IYD: variants seen among roughly 807,000 people sequenced by gnomAD.
The protein encoded by IYD is iodotyrosine deiodinase.
A neutral mutation model predicts 28.4 loss-of-function variants in IYD; 25 were observed. That is an observed-to-expected ratio of 0.88 (90% confidence interval 0.64 to 1.23). The LOEUF is 1.23. Among genes scored for constraint, IYD ranks in the 50% most tolerant of loss-of-function variants. IYD has a pLI of 0.00. For missense variants in IYD, 352 were observed against 357.9 expected, an observed-to-expected ratio of 0.98 and a Z score of 0.13; for synonymous variants, 140 against 130.8, an observed-to-expected ratio of 1.07 and a Z score of -0.48.
chr6:150,395,715 GGTCTGATAAGCGCGCCATGCAT>G lies in IYD; in HGVS notation c.687+1465_687+1486del. 4 of 733,692 alleles carry G rather than the reference GGTCTGATAAGCGCGCCATGCAT, an allele frequency of 5.5e-6. No homozygotes were observed. In the South Asian group the frequency reaches 5.9e-5, roughly 11 times the overall value. 45.4% of individuals were successfully genotyped at this position (733,692 alleles called of 1,614,324 possible). On this transcript the variant is annotated intron_variant, in intron 4 of 4. Transcript: ENST00000344419. ...GCCCGCATCTCCAGTATGGTGACTG[GGTCTGATAAGCGCGCCATGCAT>G]GTCTTGTAGAGGCAGCTTCCAGAAC...
At chr6:150,376,626 C>CTTCTTTTCTT (rs372946330) in intron 1 of IYD, among the ~76,000 whole-genome samples, 3 of 152,058 alleles carry the variant, frequency 2.0e-5, no homozygotes, top group African/African-American at 7.2e-5. Context: ...TCTTCATCTT[C>CTTCTTTTCTT]TTCTTTTCTT....
At chr6:150,396,480 G>A (rs1018227608) in intron 4 of IYD, 12 of 699,654 alleles carry the variant, frequency 1.7e-5, no homozygotes, top group African/African-American at 1.1e-4. Context: ...GGTTTCTACT[G>A]CTAGAGACAT....
At chr6:150,385,071 T>C (rs1230655995) in intron 1 of IYD, 1 of 152,152 alleles carries the variant, frequency 6.6e-6, no homozygotes, top group African/African-American at 2.4e-5. Context: ...AGGAGGGTAA[T>C]GGGGAAAACA....
chr6:150,392,588 T>C (rs1245742636), intron 3 of IYD, 84 bp downstream of exon 3: 4 of 1,425,022 alleles, frequency 2.8e-6, no homozygotes, highest in Non-Finnish European at 3.9e-6. Context: ...GGCTTTGTTG[T>C]AAGCGTGAAA....
At chr6:150,371,196 A>G (rs949095649) in intron 1 of IYD, among the ~76,000 whole-genome samples, 2 of 152,218 alleles carry the variant, frequency 1.3e-5, no homozygotes, top group Admixed American at 1.3e-4. Context: ...ATAGCTCTTA[A>G]TGTATGCAAT....
intron 1 of IYD, among the ~76,000 whole-genome samples, chr6:150,380,822 T>C (rs1408483423): frequency 6.6e-6 from 1 of 152,214 alleles, no homozygotes; most frequent in Non-Finnish European, 1.5e-5. Flanking sequence ...GCAGCCCTTC[T>C]TCCTTCTAAA....
intron 4 of IYD, chr6:150,395,626 T>C: frequency 7.6e-7 from 1 of 1,307,484 alleles, no homozygotes; most frequent in Non-Finnish European, 1.1e-6. Flanking sequence ...CCCCTAGCTT[T>C]CATAAGGCAT....
intron 1 of IYD, among the ~76,000 whole-genome samples, chr6:150,370,283 G>T (rs1160189412): frequency 6.8e-6 from 1 of 146,428 alleles, no homozygotes; most frequent in Non-Finnish European, 1.5e-5. Flanking sequence ...GTTCATTAAT[G>T]TGCATGTGTG....
intron 1 of IYD, among the ~76,000 whole-genome samples, chr6:150,380,987 G>A (rs1385609817): frequency 6.6e-6 from 1 of 152,172 alleles, no homozygotes; most frequent in Non-Finnish European, 1.5e-5. Flanking sequence ...GGCAGCACAG[G>A]AAAATCGTCA....
intron 1 of IYD, among the ~76,000 whole-genome samples, chr6:150,376,596 G>T (rs1777453054): frequency 6.6e-6 from 1 of 152,112 alleles, no homozygotes; most frequent in Non-Finnish European, 1.5e-5. Context: ...CCAGGCAAGG[G>T]ATCTTAAGAC....
intron 1 of IYD, among the ~76,000 whole-genome samples, chr6:150,371,940 C>G (rs748315550): frequency 5.3e-5 from 8 of 152,318 alleles, no homozygotes; most frequent in African/African-American, 7.2e-5. Flanking sequence ...AGTCCCTGCT[C>G]TCAGTCACAG....
intron 1 of IYD, among the ~76,000 whole-genome samples, chr6:150,377,099 G>A (rs765112416): frequency 6.6e-6 from 1 of 152,132 alleles, no homozygotes; most frequent in Non-Finnish European, 1.5e-5. Context: ...GTATTTTAGG[G>A]TATTGTTTGC....
chr6:150,386,314 T>G (rs1330917134), intron 1 of IYD, among the ~76,000 whole-genome samples: 1 of 152,118 alleles, frequency 6.6e-6, no homozygotes, highest in Non-Finnish European at 1.5e-5. Context: ...ATGTAATAAT[T>G]TCATATTTTA....
At chr6:150,376,621 A>G (rs9480328) in intron 1 of IYD, among the ~76,000 whole-genome samples, 17,997 of 152,026 alleles carry the variant, frequency 0.12, 1,215 homozygotes, top group Non-Finnish European at 0.14. Flanking sequence ...ACATTTCTTC[A>G]TCTTCTTCTT....
chr6:150,394,315 CA>C, intron 4 of IYD, 60 bp downstream of exon 4: 1 of 1,583,736 alleles, frequency 6.3e-7, no homozygotes, highest in South Asian at 1.1e-5. Context: ...GCTGAGTTTT[CA>C]ATTCAGGGAC....
intron 1 of IYD, among the ~76,000 whole-genome samples, chr6:150,378,862 T>C (rs1038382068): frequency 6.6e-6 from 1 of 152,150 alleles, no homozygotes; most frequent in African/African-American, 2.4e-5. Context: ...TGTGGCACTA[T>C]TCACAATAGC....
intron 4 of IYD, chr6:150,395,481 T>C (rs372758590): frequency 6.5e-7 from 1 of 1,537,262 alleles, no homozygotes; most frequent in Non-Finnish European, 8.7e-7. Context: ...CCATGCGGCA[T>C]CAGACTGCGA....
At chr6:150,383,716 A>C (rs1777737455) in intron 1 of IYD, among the ~76,000 whole-genome samples, 1 of 148,670 alleles carries the variant, frequency 6.7e-6, no homozygotes. Flanking sequence ...TAATCCCAGC[A>C]CTTTGGGAGG....
intron 2 of IYD, among the ~76,000 whole-genome samples, chr6:150,390,832 G>A (rs182547782): frequency 2.0e-5 from 3 of 152,244 alleles, no homozygotes; most frequent in African/African-American, 4.8e-5. Context: ...GATGCACTGC[G>A]AAGCTTTGCC....
Sources: gnomAD v4.1 joint callset for allele counts (sites outside exome capture counted in the v4.1 genomes callset) on GRCh38, gnomAD v4.1.1 for gene constraint, MANE v1.5 for transcripts, NCBI Gene and HGNC (gene_info 2026-07-23, HGNC 2026-07-21) for gene names.